MAPRE2: variants seen among roughly 807,000 people sequenced by gnomAD.
MAPRE2 encodes the protein microtubule associated protein RP/EB family member 2.
In MAPRE2, 13 loss-of-function variants were observed where a neutral mutation model predicts 43.2. That is an observed-to-expected ratio of 0.30 (90% CI 0.20 to 0.48). The LOEUF is 0.48. Among genes scored for constraint, MAPRE2 ranks in the 20% least tolerant of loss-of-function variants. MAPRE2 has a pLI of 0.99. For missense variants in MAPRE2, 161 were observed against 400.2 expected (o/e 0.40, Z 5.10); for synonymous variants, 135 against 148.8 (o/e 0.91, Z 0.68).
chr18:35,036,175 GTC>G (rs2097050476), intron 2 of MAPRE2, among the ~76,000 whole-genome samples: 1 of 151,856 alleles, frequency 6.6e-6, no homozygotes, highest in South Asian at 2.1e-4. Flanking sequence ...CATTTGAGAT[GTC>G]TCTTCCTCCT....
At chr18:34,985,248 A>AATATATAATATT in intron 1 of MAPRE2, among the ~76,000 whole-genome samples, 2 of 46,372 alleles carry the variant, frequency 4.3e-5, no homozygotes, top group African/African-American at 1.0e-4. Context: ...TATAATATAA[A>AATATATAATATT]ATATATAATA....
intron 1 of MAPRE2, among the ~76,000 whole-genome samples, chr18:35,067,935 C>T (rs1906915235): frequency 6.6e-6 from 1 of 152,078 alleles, no homozygotes; most frequent in South Asian, 2.1e-4. Flanking sequence ...AAAAAACCTT[C>T]AATAATGGTG....
chr18:35,049,058 T>C (rs1223640379), intron 1 of MAPRE2, among the ~76,000 whole-genome samples: 4 of 152,178 alleles, frequency 2.6e-5, no homozygotes, highest in Non-Finnish European at 5.9e-5. Flanking sequence ...TTTTGTTTTG[T>C]TTTGCTTTAA....
At chr18:35,035,993 A>G (rs953771775) in intron 2 of MAPRE2, among the ~76,000 whole-genome samples, 1 of 149,564 alleles carries the variant, frequency 6.7e-6, no homozygotes, top group African/African-American at 2.5e-5. Context: ...ATACTTAGTG[A>G]ACACCCATAC....
chr18:35,015,170 G>A (rs1430796404), intron 2 of MAPRE2, among the ~76,000 whole-genome samples: 2 of 152,002 alleles, frequency 1.3e-5, no homozygotes, highest in Non-Finnish European at 2.9e-5. Context: ...AGAATAACAA[G>A]TCCTGCCATC....
At chr18:35,072,934 G>A (rs9949666) in intron 2 of MAPRE2, among the ~76,000 whole-genome samples, 23 of 151,202 alleles carry the variant, frequency 1.5e-4, no homozygotes, top group African/African-American at 5.6e-4. Flanking sequence ...TATGTTTCTC[G>A]CTAGAAAAAA....
chr18:35,123,714 A>G (rs908483756), intron 4 of MAPRE2, among the ~76,000 whole-genome samples: 1 of 152,164 alleles, frequency 6.6e-6, no homozygotes. Flanking sequence ...TGACTTTGAC[A>G]TTGGCATCAG....
chr18:35,030,617 G>C (rs2097047390), intron 2 of MAPRE2, among the ~76,000 whole-genome samples: 1 of 152,172 alleles, frequency 6.6e-6, no homozygotes, highest in Non-Finnish European at 1.5e-5. Flanking sequence ...CCCATAAAAA[G>C]TATTCAAATA....
intron 3 of MAPRE2, among the ~76,000 whole-genome samples, chr18:35,099,745 C>T (rs1908588409): frequency 6.6e-6 from 1 of 152,196 alleles, no homozygotes; most frequent in Non-Finnish European, 1.5e-5. Context: ...AAGTCTATTA[C>T]CCAAAGAATC....
chr18:34,989,745 T>C (rs550952948), intron 1 of MAPRE2, among the ~76,000 whole-genome samples: 2 of 152,058 alleles, frequency 1.3e-5, no homozygotes, highest in African/African-American at 2.4e-5. Context: ...TTGTGGTCCA[T>C]TGACCAGTGG....
At chr18:35,124,352 A>G (rs778218206) in intron 4 of MAPRE2, among the ~76,000 whole-genome samples, 16 of 152,180 alleles carry the variant, frequency 1.1e-4, no homozygotes, top group Non-Finnish European at 1.9e-4. Flanking sequence ...CCATGCTTCA[A>G]TTACCTGCCA....
At chr18:35,021,393 T>A (rs2097041873) in intron 2 of MAPRE2, among the ~76,000 whole-genome samples, 1 of 152,084 alleles carries the variant, frequency 6.6e-6, no homozygotes, top group Non-Finnish European at 1.5e-5. Flanking sequence ...GGACCAGAAA[T>A]GGACAAAGTT....
At chr18:35,041,073 C>T (rs1392693154), upstream of MAPRE2, among the ~76,000 whole-genome samples, 2 of 152,222 alleles carry the variant, frequency 1.3e-5, no homozygotes, top group African/African-American at 2.4e-5. Context: ...CTCCCACACC[C>T]CTTTGCATGA....
chr18:35,134,919 G>A (rs1020554531), intron 6 of MAPRE2, among the ~76,000 whole-genome samples: 2 of 152,184 alleles, frequency 1.3e-5, no homozygotes, highest in African/African-American at 4.8e-5. Context: ...TTAAGGGAAG[G>A]AAGAGAGAGG....
chr18:35,081,448 C>T (rs994287060), intron 2 of MAPRE2, among the ~76,000 whole-genome samples: 2 of 152,206 alleles, frequency 1.3e-5, no homozygotes, highest in East Asian at 3.8e-4. Context: ...ATGTGAGTTC[C>T]TCTCTGTCTG....
intron 1 of MAPRE2, among the ~76,000 whole-genome samples, chr18:35,000,344 A>G (rs1215972775): frequency 6.6e-6 from 1 of 152,240 alleles, no homozygotes; most frequent in Non-Finnish European, 1.5e-5. Flanking sequence ...ATAGCAATGA[A>G]GAAAGAATGA....
chr18:35,046,396 C>A (rs912941724), intron 1 of MAPRE2, among the ~76,000 whole-genome samples: 1 of 152,172 alleles, frequency 6.6e-6, no homozygotes, highest in Non-Finnish European at 1.5e-5. Context: ...AAAAAAGTTT[C>A]TCTGAAGTCC....
chr18:35,095,358 G>C (rs1456539445), intron 2 of MAPRE2, among the ~76,000 whole-genome samples: 1 of 103,442 alleles, frequency 9.7e-6, no homozygotes, highest in African/African-American at 3.4e-5. Flanking sequence ...ACATTTTTAA[G>C]AAAATACACA....
At chr18:35,024,111 G>C (rs1291241872) in intron 2 of MAPRE2, among the ~76,000 whole-genome samples, 2 of 152,192 alleles carry the variant, frequency 1.3e-5, no homozygotes, top group African/African-American at 4.8e-5. Flanking sequence ...CAGGCTAACA[G>C]TGTATGCTGG....
Sources: gnomAD v4.1 joint callset for allele counts (sites outside exome capture counted in the v4.1 genomes callset) on GRCh38, gnomAD v4.1.1 for gene constraint, MANE v1.5 for transcripts, NCBI Gene and HGNC (gene_info 2026-07-23, HGNC 2026-07-21) for gene names.